MRTFB: variants seen among roughly 807,000 people sequenced by gnomAD.
The protein encoded by MRTFB is myocardin related transcription factor B.
In MRTFB, 29 loss-of-function variants were observed where a neutral mutation model predicts 104.2. The ratio of observed to expected loss-of-function variants is 0.28; its 90% CI spans 0.21 to 0.38. The LOEUF (loss-of-function observed/expected upper bound fraction) is 0.38. Ranked by LOEUF, MRTFB falls within the 10% of genes least tolerant of loss-of-function variation. The pLI, the probability that MRTFB is intolerant of heterozygous loss-of-function variation, is 1.00. For missense variants in MRTFB, 1,270 were observed against 1,341.6 expected, an observed-to-expected ratio of 0.95 and a Z score of 0.83; for synonymous variants, 535 against 519.5, an observed-to-expected ratio of 1.03 and a Z score of -0.41.
chr16:13,996,282 A>G, the MRTFB span, among the ~76,000 whole-genome samples: 8 of 143,682 alleles, frequency 5.6e-5, no homozygotes, highest in Admixed American at 1.4e-4. Flanking sequence ...AACAACAACA[A>G]CAACAACAAA....
At chr16:14,001,847 A>G in the MRTFB span, among the ~76,000 whole-genome samples, 1 of 152,186 alleles carries the variant, frequency 6.6e-6, no homozygotes, top group Non-Finnish European at 1.5e-5. Flanking sequence ...CACTTCGCTG[A>G]ATAGGAGCTG....
chr16:14,251,922 G>A lies in MRTFB; in HGVS notation c.2464G>A (p.Ala822Thr), dbSNP rs538802103. Reference sequence around the variant, plus strand: ...TCCATATCAGAGACATCCTGCCCCAGCTGTCCAGCAGCCCTTTATCAATAA... The same window carrying A: ...TCCATATCAGAGACATCCTGCCCCAACTGTCCAGCAGCCCTTTATCAATAA... Reference protein sequence around the residue: ...VLPYQRHPAPAVQQPFINKAS... With the variant: ...VLPYQRHPAPTVQQPFINKAS... Residue 822 changes from alanine (A) to threonine (T), a missense_variant, in exon 14 of 17, where the codon GCT (alanine) becomes ACT (threonine). Physicochemically the swap from Ala to Thr is moderately conservative, Grantham distance 58. This residue lies in a region of MRTFB where 1,144 missense variants were observed against 1,131.5 expected (regional missense o/e 1.01). Transcript: ENST00000571589. 4.5e-5 allele frequency: 73 copies of A among 1,614,176 alleles called. No individual in the cohort carries two copies. The Middle Eastern group carries it at 5.3e-3, about 117-fold the overall frequency.
chr16:14,209,233 A>G (rs1304630631), intron 3 of MRTFB, among the ~76,000 whole-genome samples: 2 of 152,126 alleles, frequency 1.3e-5, no homozygotes, highest in Non-Finnish European at 2.9e-5. Flanking sequence ...AGCCATCACC[A>G]CTCACTAGAA....
chr16:14,090,011 A>C (rs1428967532), intron 2 of MRTFB, among the ~76,000 whole-genome samples: 1 of 152,102 alleles, frequency 6.6e-6, no homozygotes, highest in Non-Finnish European at 1.5e-5. Context: ...TTCTTTATAT[A>C]TTTTGTATAC....
At chr16:14,254,536 C>T (rs2043396243) in intron 15 of MRTFB, among the ~76,000 whole-genome samples, 2 of 152,224 alleles carry the variant, frequency 1.3e-5, no homozygotes. Flanking sequence ...GAGAGGAGAT[C>T]CCCAAATTCT....
intron 2 of MRTFB, among the ~76,000 whole-genome samples, chr16:14,089,042 T>C (rs2034892509): frequency 1.3e-5 from 2 of 152,178 alleles, no homozygotes; most frequent in Admixed American, 1.3e-4. Context: ...TTTGAACAGA[T>C]TGTGTGTTTT....
At chr16:14,059,640 C>T in the MRTFB span, among the ~76,000 whole-genome samples, 323 of 152,258 alleles carry the variant, frequency 2.1e-3, 5 homozygotes, top group Non-Finnish European at 3.4e-3. Flanking sequence ...AAGGATTATG[C>T]CTGCAAACCA....
At chr16:14,041,219 A>G in the MRTFB span, among the ~76,000 whole-genome samples, 4 of 152,192 alleles carry the variant, frequency 2.6e-5, no homozygotes, top group Admixed American at 1.3e-4. Flanking sequence ...AAAATTTACC[A>G]TCTTGGCCTT....
intron 3 of MRTFB, among the ~76,000 whole-genome samples, chr16:14,188,148 G>T (rs1448465000): frequency 1.3e-5 from 2 of 152,218 alleles, no homozygotes. Flanking sequence ...ATAAATAGCT[G>T]TTGCTAGGAA....
the MRTFB span, among the ~76,000 whole-genome samples, chr16:13,997,214 G>A: frequency 0.018 from 2,686 of 152,246 alleles, 71 homozygotes; most frequent in African/African-American, 0.061. Flanking sequence ...CATCTCAAAT[G>A]TTCACATGCA....
the MRTFB span, among the ~76,000 whole-genome samples, chr16:14,032,965 AC>A: frequency 2.6e-5 from 4 of 151,838 alleles, no homozygotes; most frequent in Non-Finnish European, 5.9e-5. Flanking sequence ...GGAACCACAG[AC>A]ATGCTCTTCT....
At chr16:13,999,527 A>G in the MRTFB span, among the ~76,000 whole-genome samples, 30 of 152,030 alleles carry the variant, frequency 2.0e-4, no homozygotes, top group Non-Finnish European at 3.7e-4. Flanking sequence ...AAGAAAGAAA[A>G]AAAAAAGCTT....
chr16:14,030,413 G>A, the MRTFB span, among the ~76,000 whole-genome samples: 1 of 152,110 alleles, frequency 6.6e-6, no homozygotes, highest in South Asian at 2.1e-4. Flanking sequence ...GGGTGCTAAG[G>A]CTGTAGTCAT....
the MRTFB span, among the ~76,000 whole-genome samples, chr16:14,028,109 G>A: frequency 1.3e-5 from 2 of 152,118 alleles, no homozygotes; most frequent in African/African-American, 2.4e-5. Context: ...CCCAAGAGGC[G>A]GAGGCTACAG....
the MRTFB span, among the ~76,000 whole-genome samples, chr16:14,060,048 C>A: frequency 1.4e-5 from 2 of 142,076 alleles, no homozygotes; most frequent in African/African-American, 5.6e-5. Flanking sequence ...ACTCTGTCAC[C>A]CAGGCTGAAG....
At chr16:14,105,046 T>TA (rs967880945) in intron 2 of MRTFB, among the ~76,000 whole-genome samples, 3 of 151,948 alleles carry the variant, frequency 2.0e-5, no homozygotes, top group African/African-American at 7.2e-5. Flanking sequence ...GCCATCTGTT[T>TA]AAAAAAAAGT....
At chr16:13,997,980 G>A in the MRTFB span, among the ~76,000 whole-genome samples, 1 of 152,104 alleles carries the variant, frequency 6.6e-6, no homozygotes, top group Non-Finnish European at 1.5e-5. Context: ...ATTTCAAGTG[G>A]TTTTACATGC....
At chr16:14,196,474 T>C (rs2040436631) in intron 3 of MRTFB, among the ~76,000 whole-genome samples, 1 of 152,250 alleles carries the variant, frequency 6.6e-6, no homozygotes, top group African/African-American at 2.4e-5. Flanking sequence ...CCACTTCCCC[T>C]CCTTTTCCAA....
chr16:14,052,200 A>G, the MRTFB span, among the ~76,000 whole-genome samples: 11 of 152,190 alleles, frequency 7.2e-5, no homozygotes, highest in Non-Finnish European at 2.9e-5. Context: ...TGGGAGGATT[A>G]CATGAAATGA....
Sources: gnomAD v4.1 joint callset for allele counts (sites outside exome capture counted in the v4.1 genomes callset) on GRCh38, gnomAD v4.1.1 for gene constraint, gnomAD v4.1.1 regional missense constraint, MANE v1.5 for transcripts, NCBI Gene and HGNC (gene_info 2026-07-23, HGNC 2026-07-21) for gene names.